PRELID2: variants seen among roughly 807,000 people sequenced by gnomAD.
The protein encoded by PRELID2 is PRELI domain-containing protein 2.
PRELID2 carries 25 observed loss-of-function variants against 28.4 expected under a neutral mutation model. The ratio of observed to expected loss-of-function variants is 0.88; its 90% confidence interval spans 0.64 to 1.23. The LOEUF is 1.23. Among genes scored for constraint, PRELID2 ranks in the 50% most tolerant of loss-of-function variants. The pLI is 0.00. For missense variants in PRELID2, 201 were observed against 214.4 expected (o/e 0.94, Z 0.39); for synonymous variants, 76 against 71.6 (o/e 1.06, Z -0.31).
At chr5:145,232,467 C>A in the PRELID2 span, among the ~76,000 whole-genome samples, 1 of 151,942 alleles carries the variant, frequency 6.6e-6, no homozygotes, top group Non-Finnish European at 1.5e-5. Flanking sequence ...GAATGAGTGC[C>A]CCAGATGATT....
the PRELID2 span, among the ~76,000 whole-genome samples, chr5:145,387,202 C>G: frequency 6.9e-3 from 1,045 of 152,190 alleles, 3 homozygotes; most frequent in Non-Finnish European, 0.01. Flanking sequence ...CTGAATATTG[C>G]TCTTAGATAT....
the PRELID2 span, among the ~76,000 whole-genome samples, chr5:145,334,140 C>A: frequency 6.6e-6 from 1 of 152,146 alleles, no homozygotes. Flanking sequence ...GAGCTGCGTA[C>A]CTCAGCTGGA....
chr5:145,231,797 G>C, the PRELID2 span, among the ~76,000 whole-genome samples: 1 of 152,118 alleles, frequency 6.6e-6, no homozygotes, highest in Non-Finnish European at 1.5e-5. Context: ...AAACTGAAGA[G>C]AGAAGGTGTC....
intron 1 of PRELID2, among the ~76,000 whole-genome samples, chr5:145,627,648 A>G (rs1581012066): frequency 1.3e-5 from 2 of 152,266 alleles, no homozygotes; most frequent in East Asian, 3.9e-4. Context: ...CCTCTCTCAC[A>G]TAACAAAGCT....
chr5:145,661,666 T>TAAAAAAAAAAAAAAAAAAAAAAAA (rs567073073), intron 1 of PRELID2, among the ~76,000 whole-genome samples: 1 of 97,184 alleles, frequency 1.0e-5, no homozygotes, highest in Non-Finnish European at 2.4e-5. Context: ...AACAAGCCAT[T>TAAAAAAAAAAAAAAAAAAAAAAAA]AAAAAAAAAA....
intron 1 of PRELID2, among the ~76,000 whole-genome samples, chr5:145,566,251 C>T (rs938713693): frequency 1.3e-5 from 2 of 152,174 alleles, no homozygotes; most frequent in Non-Finnish European, 2.9e-5. Flanking sequence ...GTATAACTGA[C>T]ATATTCTAAA....
chr5:145,376,925 G>T, the PRELID2 span, among the ~76,000 whole-genome samples: 1,986 of 152,032 alleles, frequency 0.013, 36 homozygotes, highest in African/African-American at 0.045. Context: ...CTTGTCTTCT[G>T]CTAGTTTTGG....
chr5:145,458,990 G>A, the PRELID2 span, among the ~76,000 whole-genome samples: 1,506 of 152,300 alleles, frequency 9.9e-3, 12 homozygotes, highest in African/African-American at 0.021. Context: ...TATCATTGGA[G>A]TTTTATTTCT....
the PRELID2 span, among the ~76,000 whole-genome samples, chr5:145,410,624 G>T: frequency 6.6e-6 from 1 of 152,044 alleles, no homozygotes; most frequent in African/African-American, 2.4e-5. Flanking sequence ...CAGATCTCAT[G>T]AGAACTCACT....
At chr5:145,286,568 C>T in the PRELID2 span, among the ~76,000 whole-genome samples, 1 of 152,140 alleles carries the variant, frequency 6.6e-6, no homozygotes, top group African/African-American at 2.4e-5. Flanking sequence ...ACATACGTAA[C>T]TCCTCTCAAA....
At chr5:145,584,304 A>G (rs1445882299) in intron 1 of PRELID2, among the ~76,000 whole-genome samples, 2 of 152,174 alleles carry the variant, frequency 1.3e-5, no homozygotes, top group Admixed American at 1.3e-4. Context: ...CAGATTAAAG[A>G]CTTACACATT....
At chr5:145,754,880 C>T (rs1757216349), downstream of PRELID2, among the ~76,000 whole-genome samples, 1 of 152,116 alleles carries the variant, frequency 6.6e-6, no homozygotes, top group South Asian at 2.1e-4. Flanking sequence ...TGGCAATTAG[C>T]AGAAGCAATA....
chr5:145,453,625 C>A, the PRELID2 span, among the ~76,000 whole-genome samples: 1 of 152,082 alleles, frequency 6.6e-6, no homozygotes, highest in Non-Finnish European at 1.5e-5. Flanking sequence ...AGACCCCCAA[C>A]CCTGACAGGC....
At chr5:145,487,410 T>C (rs1049962226) in intron 1 of PRELID2, among the ~76,000 whole-genome samples, 3 of 152,196 alleles carry the variant, frequency 2.0e-5, no homozygotes, top group Admixed American at 6.5e-5. Flanking sequence ...CTACTCACTT[T>C]GTAGATGTCA....
chr5:145,622,662 G>T (rs1753788406), intron 1 of PRELID2, among the ~76,000 whole-genome samples: 1 of 152,058 alleles, frequency 6.6e-6, no homozygotes, highest in Admixed American at 6.6e-5. Context: ...GTTCAAGAAG[G>T]TTATTAAGAT....
chr5:145,233,520 A>G, the PRELID2 span, among the ~76,000 whole-genome samples: 5 of 152,118 alleles, frequency 3.3e-5, no homozygotes, highest in Admixed American at 6.6e-5. Context: ...GGACATTAGA[A>G]TTCCTCACTG....
chr5:145,511,031 C>A (rs1210486074), intron 1 of PRELID2, among the ~76,000 whole-genome samples: 2 of 152,310 alleles, frequency 1.3e-5, no homozygotes, highest in East Asian at 1.9e-4. Context: ...ATGCAGCAAA[C>A]AATATCACCA....
chr5:145,478,977 A>G (rs1752132863), intron 1 of PRELID2, among the ~76,000 whole-genome samples: 1 of 152,186 alleles, frequency 6.6e-6, no homozygotes, highest in Non-Finnish European at 1.5e-5. Context: ...CCCAGAAGTC[A>G]CAATTCTTCC....
At chr5:145,772,568 T>C (rs1174963712) in intron 5 of PRELID2, among the ~76,000 whole-genome samples, 1 of 152,212 alleles carries the variant, frequency 6.6e-6, no homozygotes, top group African/African-American at 2.4e-5. Flanking sequence ...AGAGGGTATG[T>C]ACAAGAAACC....
Sources: allele counts gnomAD v4.1 joint callset (sites outside exome capture counted in the v4.1 genomes callset), GRCh38; gene constraint gnomAD v4.1.1; transcripts MANE v1.5; gene names NCBI Gene and HGNC (gene_info 2026-07-23, HGNC 2026-07-21).